The following CSMD1 variants were observed in gnomAD, a reference collection of about 807,000 sequenced individuals.
CSMD1 encodes the protein CUB and sushi domain-containing protein 1.
In CSMD1, 213 loss-of-function variants were observed where a neutral mutation model predicts 417.5. The ratio of observed to expected loss-of-function variants is 0.51; its 90% CI spans 0.46 to 0.57. The LOEUF (loss-of-function observed/expected upper bound fraction) is 0.57. Among genes scored for constraint, CSMD1 ranks in the 20% least tolerant of loss-of-function variants. CSMD1 has a pLI of 0.00. For missense variants in CSMD1, 6,923 were observed against 4,529.7 expected (o/e 1.53, Z -15.17); for synonymous variants, 2,862 against 1,736.8 (o/e 1.65, Z -16.11).
intron 2 of CSMD1, among the ~76,000 whole-genome samples, chr8:4,456,198 G>A (rs4875346): frequency 0.36 from 55,078 of 151,696 alleles, 10,291 homozygotes; most frequent in Middle Eastern, 0.53. Flanking sequence ...CTTTATTACA[G>A]GTTTTTAAAG....
chr8:4,043,127 T>G (rs1395173293), intron 3 of CSMD1, among the ~76,000 whole-genome samples: 1 of 152,014 alleles, frequency 6.6e-6, no homozygotes, highest in Non-Finnish European at 1.5e-5. Context: ...AGTGAGACTC[T>G]GTCTACAAAA....
At chr8:3,226,499 C>T (rs928970321) in intron 27 of CSMD1, among the ~76,000 whole-genome samples, 3 of 150,054 alleles carry the variant, frequency 2.0e-5, no homozygotes, top group Non-Finnish European at 4.4e-5. Flanking sequence ...AGGAGAATCG[C>T]TTGAACCTGG....
At chr8:3,799,908 T>C (rs73500775) in intron 5 of CSMD1, among the ~76,000 whole-genome samples, 5,340 of 152,242 alleles carry the variant, frequency 0.035, 308 homozygotes, top group African/African-American at 0.12. Context: ...GAAAAATTAA[T>C]GCAACTTTCC....
Position 4,189,792 on chromosome 8 carries a change from T to C in CSMD1, c.416-157693A>G, listed in dbSNP as rs193042575. Among the ~76,000 whole-genome samples, 268 of 152,328 alleles carry C rather than the reference T, an allele frequency of 1.8e-3. 2 individuals are homozygous for C. The highest frequency in any genetic ancestry group is 6.2e-3 in the African/African-American group (259 of 41,578). On this transcript the variant is annotated intron_variant, in intron 3 of 69. Transcript: ENST00000635120. ...AACAGGCACACAAAGGATAATTTTA[T>C]CTTGTTGCCATATATTAAGGTAAAG...
intron 3 of CSMD1, among the ~76,000 whole-genome samples, chr8:4,156,985 T>A (rs780280535): frequency 2.0e-5 from 3 of 152,198 alleles, no homozygotes; most frequent in East Asian, 3.9e-4. Context: ...GATGCATACA[T>A]CCCAGATGAT....
At chr8:4,538,598 G>T (rs991221368) in intron 2 of CSMD1, among the ~76,000 whole-genome samples, 3 of 151,724 alleles carry the variant, frequency 2.0e-5, no homozygotes, top group Admixed American at 6.6e-5. Flanking sequence ...AGCCGAGATC[G>T]CACCACTGTA....
chr8:4,791,444 A>T (rs1797683459), intron 1 of CSMD1, among the ~76,000 whole-genome samples: 1 of 152,176 alleles, frequency 6.6e-6, no homozygotes, highest in African/African-American at 2.4e-5. Flanking sequence ...TTGGTCTATA[A>T]GGTTTGTGAT....
chr8:3,706,862 C>G (rs11997333), intron 7 of CSMD1, among the ~76,000 whole-genome samples: 82,117 of 151,834 alleles, frequency 0.54, 22,348 homozygotes, highest in Admixed American at 0.6. Flanking sequence ...TTTAAAAAAC[C>G]CTTTATTCCT....
intron 5 of CSMD1, among the ~76,000 whole-genome samples, chr8:3,915,976 G>C (rs993237982): frequency 1.3e-5 from 2 of 151,372 alleles, no homozygotes; most frequent in Non-Finnish European, 2.9e-5. Flanking sequence ...AAGCATTTGA[G>C]TGAGATTCAT....
intron 50 of CSMD1, among the ~76,000 whole-genome samples, chr8:3,049,313 T>C (rs11990443): frequency 0.3 from 45,250 of 151,916 alleles, 6,890 homozygotes; most frequent in East Asian, 0.36. Flanking sequence ...TTCACAATTG[T>C]AAAACTTGGA....
chr8:3,127,228 G>T (rs997441235), intron 41 of CSMD1, among the ~76,000 whole-genome samples: 4 of 152,134 alleles, frequency 2.6e-5, no homozygotes, highest in African/African-American at 4.8e-5. Context: ...GCACTTTCAT[G>T]CAAAAGAGGC....
At chr8:4,468,394 T>A (rs539470604) in intron 2 of CSMD1, among the ~76,000 whole-genome samples, 1 of 152,330 alleles carries the variant, frequency 6.6e-6, no homozygotes, top group South Asian at 2.1e-4. Flanking sequence ...ATTTTGATTT[T>A]AAACCTTTAG....
intron 9 of CSMD1, among the ~76,000 whole-genome samples, chr8:3,575,928 G>T (rs887459581): frequency 2.2e-4 from 33 of 151,680 alleles, no homozygotes; most frequent in Admixed American, 2.1e-3. Context: ...AATTTAAACT[G>T]GGTTTCAGAA....
At chr8:4,841,709 G>A (rs538189678) in intron 1 of CSMD1, among the ~76,000 whole-genome samples, 113 of 152,028 alleles carry the variant, frequency 7.4e-4, no homozygotes, top group South Asian at 1.9e-3. Context: ...TCAGGAGTTG[G>A]AGACAAGCCT....
intron 3 of CSMD1, among the ~76,000 whole-genome samples, chr8:4,131,841 C>A (rs1803126614): frequency 7.2e-6 from 1 of 138,894 alleles, no homozygotes. Context: ...CGGCTCACTG[C>A]AAGCTCCATC....
chr8:4,393,920 C>G (rs1415748842), intron 3 of CSMD1, among the ~76,000 whole-genome samples: 1 of 152,176 alleles, frequency 6.6e-6, no homozygotes, highest in Non-Finnish European at 1.5e-5. Context: ...AATCCGTTAG[C>G]TAGATTGTAA....
chr8:4,531,426 T>C lies in CSMD1; in HGVS notation c.302+105916A>G, dbSNP rs527869079. Among the ~76,000 whole-genome samples, 5 of 152,332 alleles carry C rather than the reference T, an allele frequency of 3.3e-5. No individual in the cohort carries two copies. The East Asian group carries it at 7.7e-4, about 23-fold the overall frequency. On this transcript the variant is annotated intron_variant, in intron 2 of 69. Transcript: ENST00000635120. Reference sequence around the variant, plus strand: ...TGGGTTTTAATCTCAACTCTATTGATTGCTTTCGGTGAGTAATTTGGTTAC... The same window carrying C: ...TGGGTTTTAATCTCAACTCTATTGACTGCTTTCGGTGAGTAATTTGGTTAC...
intron 7 of CSMD1, among the ~76,000 whole-genome samples, chr8:3,650,707 G>A (rs1400815227): frequency 6.6e-6 from 1 of 152,160 alleles, no homozygotes; most frequent in Non-Finnish European, 1.5e-5. Flanking sequence ...GCTTCTCAAA[G>A]AAAGGGCATC....
intron 7 of CSMD1, among the ~76,000 whole-genome samples, chr8:3,630,971 G>T (rs561221014): frequency 7.2e-4 from 109 of 152,134 alleles, no homozygotes; most frequent in Non-Finnish European, 1.2e-3. Flanking sequence ...AAAAGCATGG[G>T]AATCATTGAT....
Sources: gnomAD v4.1 joint callset for allele counts (sites outside exome capture counted in the v4.1 genomes callset) on GRCh38, gnomAD v4.1.1 for gene constraint, MANE v1.5 for transcripts, NCBI Gene and HGNC (gene_info 2026-07-23, HGNC 2026-07-21) for gene names.